Variants in PLXNB2 observed in about 807,000 individuals in gnomAD.
The protein encoded by PLXNB2 is plexin B2, also known as plexin-B2.
In PLXNB2, 85 loss-of-function variants were observed where a neutral mutation model predicts 202.6. That is an observed-to-expected ratio of 0.42 (90% CI 0.35 to 0.50). The LOEUF (loss-of-function observed/expected upper bound fraction) is 0.50. Among genes scored for constraint, PLXNB2 ranks in the 20% least tolerant of loss-of-function variants. PLXNB2 has a pLI of 0.02. For synonymous variants in PLXNB2, 1,239 were observed against 1,137.6 expected, an observed-to-expected ratio of 1.09 and a Z score of -1.79; for missense variants, 2,063 against 2,586.2, an observed-to-expected ratio of 0.80 and a Z score of 4.39.
At position 50,287,991 on chromosome 22, in the gene PLXNB2, G is replaced by A; in HGVS notation, c.1427C>T (p.Thr476Ile). ...GGGGTCCTGGGAGTCGCGGCACTGG[G>A]TGCAGGTCGGGTAGCTCAGGCACTC... ...VQECLSYPTC[T>I]QCRDSQDPYC... is the part of the protein sequence containing the mutation. Residue 476 changes from threonine (T) to isoleucine (I), a missense_variant, in exon 6 of 37, where the codon ACC becomes ATC. Thr to Ile is a moderately conservative substitution (Grantham distance 89). Transcript: ENST00000359337. 1 of 1,576,828 alleles carries A rather than the reference G, an allele frequency of 6.3e-7. No homozygotes were observed. Among genetic ancestry groups the A allele is most frequent in the Non-Finnish European group, 8.6e-7 (1 of 1,161,944 alleles).
rs1357408496 is a variant in PLXNB2, at chr22:50,288,062, G to C, written c.1381-25C>G. Reference sequence around the variant, plus strand: ...CCTAGGGCAGCGGGGCCGTGAGTGGGACCACAGCAGAGGCCGCACGGGCCT... The same window carrying C: ...CCTAGGGCAGCGGGGCCGTGAGTGGCACCACAGCAGAGGCCGCACGGGCCT... On this transcript the variant is annotated intron_variant, in intron 5 of 36. Coordinates refer to ENST00000359337, the MANE Select transcript of PLXNB2 (RefSeq NM_012401.4). This position sits in a 1 kb window ranked among gnomAD's most constrained non-coding sequence, Gnocchi z 5.0. 6.6e-7 allele frequency: 1 copy of C among 1,526,066 alleles called. No homozygotes were observed. The highest frequency in any genetic ancestry group is 8.9e-7 in the Non-Finnish European group (1 of 1,126,410). 94.5% of individuals were successfully genotyped at this position (1,526,066 alleles called of 1,614,324 possible).
intron 2 of PLXNB2, among the ~76,000 whole-genome samples, chr22:50,293,508 C>T (rs892518813): frequency 2.6e-5 from 4 of 152,068 alleles, no homozygotes; most frequent in South Asian, 2.1e-4. Flanking sequence ...CTCCCAGCCC[C>T]GCTCACCCGG....
chr22:50,276,491 G>A (rs952958807), intron 35 of PLXNB2, 138 bp downstream of exon 35: 9 of 729,554 alleles, frequency 1.2e-5, no homozygotes, highest in African/African-American at 5.2e-5. Flanking sequence ...TCACATGGCC[G>A]AGCCCACCTC....
At position 50,289,915 on chromosome 22, in the gene PLXNB2, C is replaced by A; in HGVS notation, c.670G>T (p.Asp224Tyr). Residue 224 changes from aspartate to tyrosine, a missense_variant, in exon 3 of 37, where the codon GAC (aspartate) becomes TAC (tyrosine). Asp to Tyr is a radical substitution (Grantham distance 160, BLOSUM62 -3). Around this residue, in one of 2 missense-constraint regions of PLXNB2, gnomAD observed 1,303 missense variants for 1,476.8 expected, o/e 0.88. Transcript: ENST00000359337. The surrounding 1 kb of genome is among the most constrained non-coding windows in gnomAD (Gnocchi z 8.0). ...NTQQFVAAFEDGPYVFFVFNQ... is the reference protein window; with the variant it reads ...NTQQFVAAFEYGPYVFFVFNQ... ...AAGACAAAGAAGACGTAGGGGCCGT[C>A]CTCGAAGGCCGCCACGAACTGCTGT... 1 of 1,613,200 alleles carries A rather than the reference C, an allele frequency of 6.2e-7. No homozygotes were observed. Among genetic ancestry groups the A allele is most frequent in the East Asian group, 2.2e-5 (1 of 44,888 alleles).
At position 50,275,231 on chromosome 22, in the gene PLXNB2, C is replaced by G; in HGVS notation, c.*473G>C. 1 of 359,786 alleles carries G rather than the reference C, an allele frequency of 2.8e-6. No homozygotes were observed. The highest frequency in any genetic ancestry group is 2.0e-5 in the South Asian group (1 of 49,732). 22.3% of individuals were successfully genotyped at this position (359,786 alleles called of 1,614,324 possible). Reference sequence around the variant, plus strand: ...GCACCCTTGGGGAGGCCGGTGAGGTCAGGAAGGCATCGTACCGCTTTTTCT... The same window carrying G: ...GCACCCTTGGGGAGGCCGGTGAGGTGAGGAAGGCATCGTACCGCTTTTTCT... On this transcript the variant is annotated 3_prime_UTR_variant, in exon 37 of 37. Coordinates refer to ENST00000359337, the MANE Select transcript of PLXNB2 (RefSeq NM_012401.4).
chr22:50,281,206 G>A lies in PLXNB2; in HGVS notation c.3663-17C>T. ...CTCTTCCTCCTGCAAGGCACAGCGG[G>A]CCTCCTAGGTTCTGCCGGGGCTGGC... is the stretch of plus-strand genomic sequence containing the variant. On this transcript the variant is annotated splice_polypyrimidine_tract_variant and intron_variant, in intron 22 of 36. Coordinates refer to ENST00000359337, the MANE Select transcript of PLXNB2 (RefSeq NM_012401.4). 2.5e-6 allele frequency: 4 copies of A among 1,603,638 alleles called. No homozygotes were observed. Among genetic ancestry groups the A allele is most frequent in the Non-Finnish European group, 2.6e-6 (3 of 1,173,842 alleles).
In PLXNB2 at chr22:50,275,346, C is replaced by T. The variant is rs766957803; in HGVS notation, c.*358G>A. 6 of 462,756 alleles carry T rather than the reference C, an allele frequency of 1.3e-5. No homozygotes were observed. The highest frequency in any genetic ancestry group is 4.0e-5 in the African/African-American group (2 of 50,352). The allele number at this position is 462,756 out of a possible 1,614,324, so 28.7% of individuals were successfully genotyped here. A position where few individuals can be genotyped will look rare whatever the true frequency, so the allele number is the denominator to read the frequency against. ...GCCCTCAGATCCCCCAGGGGCCCAA[C>T]CTAGGGCATGGAGGCGGCTGCTGGT... On this transcript the variant is annotated 3_prime_UTR_variant, in exon 37 of 37. Coordinates refer to ENST00000359337, the MANE Select transcript of PLXNB2 (RefSeq NM_012401.4).
chr22:50,287,895 C>T, intron 6 of PLXNB2, 42 bp downstream of exon 6: 7 of 1,583,798 alleles, frequency 4.4e-6, no homozygotes, highest in Non-Finnish European at 6.0e-6. Context: ...CTTCCGGGAT[C>T]CCAGAGGCAG....
chr22:50,307,164 A>G (rs2067916131), intron 1 of PLXNB2, among the ~76,000 whole-genome samples: 1 of 151,980 alleles, frequency 6.6e-6, no homozygotes, highest in African/African-American at 2.4e-5. Context: ...GCTCGGGCAA[A>G]TCCAGGCTCC....
chr22:50,300,543 TGGGGC>T (rs534132950), intron 1 of PLXNB2, among the ~76,000 whole-genome samples: 8 of 151,994 alleles, frequency 5.3e-5, no homozygotes, highest in African/African-American at 1.4e-4. Context: ...ACCTAGGAGC[TGGGGC>T]GGGGCGGGGC....
At chr22:50,280,714 G>GGCCAACCC in intron 24 of PLXNB2, 30 bp downstream of exon 24, 13 of 1,528,880 alleles carry the variant, frequency 8.5e-6, no homozygotes, top group South Asian at 2.4e-5. Context: ...CCACCTGTGT[G>GGCCAACCC]CCCTCCCGCC....
At chr22:50,287,066 G>A (rs764693598) in intron 8 of PLXNB2, 45 bp downstream of exon 8, 30 of 1,460,992 alleles carry the variant, frequency 2.1e-5, no homozygotes, top group Admixed American at 9.9e-5. Flanking sequence ...ACAGGGCCCC[G>A]TGCGACCGAG....
intron 2 of PLXNB2, among the ~76,000 whole-genome samples, chr22:50,293,516 C>T (rs996673350): frequency 2.6e-5 from 4 of 152,082 alleles, no homozygotes; most frequent in Admixed American, 2.6e-4. Context: ...CCCGCTCACC[C>T]GGCCCAGCTC....
chr22:50,294,029 C>T (rs909992505), intron 2 of PLXNB2, among the ~76,000 whole-genome samples: 10 of 152,248 alleles, frequency 6.6e-5, no homozygotes, highest in African/African-American at 2.4e-4. Context: ...GGTGACCTGC[C>T]TGCCCAGGCC....
chr22:50,305,418 C>T (rs1255627145), intron 1 of PLXNB2, among the ~76,000 whole-genome samples: 1 of 152,228 alleles, frequency 6.6e-6, no homozygotes, highest in African/African-American at 2.4e-5. Context: ...ACAGCATGGA[C>T]CCAGAGCGCC....
Position 50,277,879 on chromosome 22 carries a change from G to A in PLXNB2, c.5022C>T (p.Asp1674=). The A allele has an allele frequency of 6.2e-7, 1 of 1,613,132 alleles. No individual in the cohort carries two copies. The highest frequency in any genetic ancestry group is 8.5e-7 in the Non-Finnish European group (1 of 1,179,964). The part of the protein sequence containing the change: ...QAEKHNIQDE[D]TIHIWKTNSL... ...TGTTCGTCTTCCAGATGTGGATGGT[G>A]TCTTCATCCTGGATGTTGTGCTTCT... The change falls in exon 32 of 37, where the codon GAC becomes GAT. Residue 1674 remains aspartate, a synonymous_variant. Transcript: ENST00000359337.
chr22:50,289,185 T>C lies in PLXNB2; in HGVS notation c.1069-43A>G, dbSNP rs1250505265. ...TCAATGGCAGGCAGACCCCCTGTCCTGAAGGGCCCTCTCCACTCGCGCTCC... is the reference window on the plus strand; with the variant it reads ...TCAATGGCAGGCAGACCCCCTGTCCCGAAGGGCCCTCTCCACTCGCGCTCC... On this transcript the variant is annotated intron_variant, in intron 3 of 36. Transcript: ENST00000359337. This position sits in a 1 kb window ranked among gnomAD's most constrained non-coding sequence, Gnocchi z 8.0. The C allele has an allele frequency of 1.3e-6, 2 of 1,483,356 alleles. No homozygotes were observed. The highest frequency in any genetic ancestry group is 1.8e-6 in the Non-Finnish European group (2 of 1,110,842). 91.9% of individuals were successfully genotyped at this position (1,483,356 alleles called of 1,614,324 possible).
Position 50,284,683 on chromosome 22 carries a change from A to G in PLXNB2, c.2089-18T>C. The G allele has an allele frequency of 6.3e-7, 1 of 1,599,140 alleles. No individual in the cohort carries two copies. On this transcript the variant is annotated intron_variant, in intron 11 of 36. Transcript: ENST00000359337. This position sits in a 1 kb window ranked among gnomAD's most constrained non-coding sequence, Gnocchi z 8.0. Reference sequence around the variant, plus strand: ...GAGGAACCCTGCAGACCATGCCGTCAGGACCCTGGACAGGCGGCTGTGGCA... The same window carrying G: ...GAGGAACCCTGCAGACCATGCCGTCGGGACCCTGGACAGGCGGCTGTGGCA...
At chr22:50,279,430 C>T (rs892806381) in intron 27 of PLXNB2, among the ~76,000 whole-genome samples, 200 bp downstream of exon 27, 8 of 152,174 alleles carry the variant, frequency 5.3e-5, no homozygotes, top group African/African-American at 9.7e-5. Context: ...ATGCGGGGCC[C>T]GCACACTTAG....
Sources: gnomAD v4.1 joint callset for allele counts (sites outside exome capture counted in the v4.1 genomes callset) on GRCh38, gnomAD v4.1.1 for gene constraint, gnomAD v4.1.1 regional missense constraint, Gnocchi (gnomAD v3.1) non-coding constraint, MANE v1.5 for transcripts, NCBI Gene and HGNC (gene_info 2026-07-23, HGNC 2026-07-21) for gene names.